The following CA10 variants were observed in gnomAD, a reference collection of about 807,000 sequenced individuals.
CA10 encodes carbonic anhydrase-related protein 10.
In CA10, 14 loss-of-function variants were observed where a neutral mutation model predicts 44.2. The observed-to-expected ratio is 0.32, with a 90% CI of 0.21 to 0.50. The LOEUF is 0.50. Among genes scored for constraint, CA10 ranks in the 20% least tolerant of loss-of-function variants. The pLI, the probability that CA10 is intolerant of heterozygous loss-of-function variation, is 0.99. For synonymous variants in CA10, 159 were observed against 141.6 expected, an observed-to-expected ratio of 1.12 and a Z score of -0.87; for missense variants, 350 against 409.7, an observed-to-expected ratio of 0.85 and a Z score of 1.26.
chr17:51,901,665 T>C (rs1438725840), intron 3 of CA10, among the ~76,000 whole-genome samples: 1 of 152,082 alleles, frequency 6.6e-6, no homozygotes, highest in African/African-American at 2.4e-5. Flanking sequence ...GGAGCTGAGA[T>C]TGCGCCACTG....
chr17:51,704,252 A>G (rs1252386941), intron 4 of CA10, among the ~76,000 whole-genome samples: 1 of 151,970 alleles, frequency 6.6e-6, no homozygotes, highest in Non-Finnish European at 1.5e-5. Flanking sequence ...CTGAGTTGCT[A>G]CTCCCACCAA....
intron 3 of CA10, among the ~76,000 whole-genome samples, chr17:51,829,230 A>T (rs966729159): frequency 1.3e-5 from 2 of 152,200 alleles, no homozygotes; most frequent in African/African-American, 4.8e-5. Flanking sequence ...GCCCCCATGG[A>T]TGTGTCTGGA....
chr17:51,991,957 T>A (rs1985056428), intron 2 of CA10, among the ~76,000 whole-genome samples: 1 of 152,246 alleles, frequency 6.6e-6, no homozygotes, highest in Admixed American at 6.5e-5. Context: ...TTCACTTAAC[T>A]GCAAATTGGG....
intron 2 of CA10, among the ~76,000 whole-genome samples, chr17:51,982,538 A>G (rs1232917600): frequency 1.3e-5 from 2 of 151,980 alleles, no homozygotes; most frequent in Non-Finnish European, 2.9e-5. Flanking sequence ...CCAGTTTCAC[A>G]TGTTCAAACT....
chr17:51,878,422 C>G (rs1980186697), intron 3 of CA10, among the ~76,000 whole-genome samples: 3 of 152,032 alleles, frequency 2.0e-5, no homozygotes, highest in Non-Finnish European at 1.5e-5. Flanking sequence ...ATTACCCCAG[C>G]TATTTAGAGA....
At chr17:51,755,703 T>C (rs1366880101) in intron 3 of CA10, among the ~76,000 whole-genome samples, 2 of 152,218 alleles carry the variant, frequency 1.3e-5, no homozygotes, top group African/African-American at 4.8e-5. Context: ...GGAGGACACC[T>C]ACTAATTGGA....
At chr17:51,727,695 A>T (rs1916573698) in intron 4 of CA10, among the ~76,000 whole-genome samples, 1 of 152,168 alleles carries the variant, frequency 6.6e-6, no homozygotes, top group African/African-American at 2.4e-5. Flanking sequence ...TGCTTCATTA[A>T]TTTTTTTAAA....
At chr17:52,069,832 T>C (rs1019969073) in intron 2 of CA10, among the ~76,000 whole-genome samples, 4 of 152,190 alleles carry the variant, frequency 2.6e-5, no homozygotes, top group African/African-American at 9.6e-5. Context: ...CAACTGACTA[T>C]TATTTCTAGA....
intron 3 of CA10, among the ~76,000 whole-genome samples, chr17:51,834,087 TCA>T (rs969875501): frequency 1.6e-4 from 24 of 152,304 alleles, no homozygotes; most frequent in Admixed American, 9.8e-4. Context: ...TTAAAGCACT[TCA>T]GAGAAGAACT....
chr17:52,043,384 T>C (rs1986824317), intron 2 of CA10, among the ~76,000 whole-genome samples: 1 of 152,102 alleles, frequency 6.6e-6, no homozygotes, highest in Non-Finnish European at 1.5e-5. Flanking sequence ...TTGTTGCTAA[T>C]GTACAGAAAC....
chr17:51,768,183 T>A (rs1277953070), intron 3 of CA10, among the ~76,000 whole-genome samples: 3 of 145,016 alleles, frequency 2.1e-5, no homozygotes, highest in Non-Finnish European at 4.6e-5. Context: ...TTTTTTTTTC[T>A]TGTTTATCTT....
intron 3 of CA10, among the ~76,000 whole-genome samples, chr17:51,752,876 G>A (rs191087793): frequency 9.2e-5 from 14 of 152,176 alleles, no homozygotes; most frequent in East Asian, 5.8e-4. Context: ...CTGAGATCGC[G>A]CCACTGCACT....
intron 3 of CA10, among the ~76,000 whole-genome samples, chr17:51,764,045 CAAATA>C (rs146280810): frequency 0.026 from 3,843 of 149,754 alleles, 161 homozygotes; most frequent in African/African-American, 0.089. Context: ...AAAAACTCTA[CAAATA>C]AAATAAAATA....
intron 3 of CA10, among the ~76,000 whole-genome samples, chr17:51,789,059 G>A (rs1331273629): frequency 2.0e-5 from 3 of 151,912 alleles, no homozygotes; most frequent in Non-Finnish European, 4.4e-5. Flanking sequence ...ACCCAGGCTG[G>A]AGTGCAGTGG....
intron 1 of CA10, among the ~76,000 whole-genome samples, chr17:52,145,899 TA>T (rs1057135260): frequency 1.3e-5 from 2 of 152,134 alleles, no homozygotes; most frequent in Non-Finnish European, 2.9e-5. Flanking sequence ...AGATTATTTT[TA>T]AAAAAAATTC....
chr17:52,111,881 ACCTGC>A, intron 1 of CA10, among the ~76,000 whole-genome samples: 1 of 152,232 alleles, frequency 6.6e-6, no homozygotes, highest in South Asian at 2.1e-4. Flanking sequence ...AGGTTGAGGA[ACCTGC>A]TCTTTTCTTG....
chr17:51,928,665 C>A (rs960146970), intron 3 of CA10, among the ~76,000 whole-genome samples: 3 of 152,286 alleles, frequency 2.0e-5, no homozygotes, highest in African/African-American at 7.2e-5. Context: ...CAAAATGTGA[C>A]ATCTTGCCCA....
chr17:51,999,251 C>G (rs528267929), intron 2 of CA10, among the ~76,000 whole-genome samples: 107 of 151,994 alleles, frequency 7.0e-4, no homozygotes, highest in Non-Finnish European at 1.5e-3. Flanking sequence ...AAGTTCAGAG[C>G]AGCAGAGGAT....
intron 2 of CA10, among the ~76,000 whole-genome samples, chr17:52,064,289 G>A (rs1987473303): frequency 6.6e-6 from 1 of 152,166 alleles, no homozygotes; most frequent in African/African-American, 2.4e-5. Flanking sequence ...CTCAGTAGAG[G>A]ATCCATTTAA....
Sources: gnomAD v4.1 joint callset for allele counts (sites outside exome capture counted in the v4.1 genomes callset) on GRCh38, gnomAD v4.1.1 for gene constraint, MANE v1.5 for transcripts, NCBI Gene and HGNC (gene_info 2026-07-23, HGNC 2026-07-21) for gene names.